VRK2: variants seen among roughly 807,000 people sequenced by gnomAD.
VRK2 encodes the protein serine/threonine-protein kinase VRK2.
Under a neutral mutation model 57.6 loss-of-function variants are expected in VRK2, and 60 were observed. The ratio of observed to expected loss-of-function variants is 1.04; its 90% CI spans 0.85 to 1.29. The LOEUF (loss-of-function observed/expected upper bound fraction) is 1.29. VRK2 is among the 50% of genes most tolerant of loss of function. VRK2 has a pLI of 0.00. For synonymous variants in VRK2, 231 were observed against 199.2 expected (o/e 1.16, Z -1.35); for missense variants, 705 against 588.1 (o/e 1.20, Z -2.06).
At chr2:58,134,211 C>G (rs1285999610) in intron 9 of VRK2, among the ~76,000 whole-genome samples, 1 of 152,142 alleles carries the variant, frequency 6.6e-6, no homozygotes, top group Non-Finnish European at 1.5e-5. Context: ...CCCTGTACCC[C>G]AAGCAAGGCA....
intron 12 of VRK2, among the ~76,000 whole-genome samples, chr2:58,149,294 A>G (rs1682638540): frequency 6.6e-6 from 1 of 151,746 alleles, no homozygotes; most frequent in Non-Finnish European, 1.5e-5. Flanking sequence ...TCAAAATTTC[A>G]TATTCCAGTT....
chr2:57,998,641 G>C (rs1381882827), intron 1 of VRK2, among the ~76,000 whole-genome samples: 1 of 151,970 alleles, frequency 6.6e-6, no homozygotes, highest in African/African-American at 2.4e-5. Context: ...TTTAATGAAC[G>C]GGCCTGATGA....
chr2:58,078,261 T>C (rs897452561), intron 2 of VRK2, among the ~76,000 whole-genome samples: 29 of 152,104 alleles, frequency 1.9e-4, no homozygotes, highest in African/African-American at 6.3e-4. Context: ...TGTCTTTTTG[T>C]GTGTGGTGTG....
At chr2:58,084,337 A>G (rs1359108658) in intron 3 of VRK2, among the ~76,000 whole-genome samples, 199 bp downstream of exon 3, 4 of 151,894 alleles carry the variant, frequency 2.6e-5, no homozygotes, top group African/African-American at 9.6e-5. Flanking sequence ...CTGGTGTGTT[A>G]TCTATCTAGC....
chr2:58,135,642 G>A (rs1679904552), intron 10 of VRK2, among the ~76,000 whole-genome samples: 1 of 151,882 alleles, frequency 6.6e-6, no homozygotes, highest in African/African-American at 2.4e-5. Context: ...ATGCTGTTTA[G>A]ACCAGAATTA....
chr2:58,058,594 G>A (rs1456495718), intron 2 of VRK2: 2 of 272,816 alleles, frequency 7.3e-6, no homozygotes, highest in African/African-American at 4.5e-5. Context: ...AATGAAAGAA[G>A]AGTCTGGTAA....
intron 1 of VRK2, among the ~76,000 whole-genome samples, chr2:58,015,830 G>A (rs1483624805): frequency 6.6e-6 from 1 of 152,050 alleles, no homozygotes; most frequent in Admixed American, 6.6e-5. Flanking sequence ...AGCTTAGCTA[G>A]GTATAGAATA....
At chr2:57,934,998 T>C (rs183454673) in intron 1 of VRK2, among the ~76,000 whole-genome samples, 12 of 152,364 alleles carry the variant, frequency 7.9e-5, no homozygotes. Context: ...GAATTGTCTA[T>C]CTGTGCTTTT....
chr2:58,034,027 T>C (rs1410068164), intron 3 of VRK2, among the ~76,000 whole-genome samples: 25 of 152,074 alleles, frequency 1.6e-4, no homozygotes, highest in Non-Finnish European at 4.4e-5. Context: ...TCCCAAATAA[T>C]TTCTGAGGAT....
chr2:58,156,253 C>A (rs1304828850), intron 12 of VRK2, among the ~76,000 whole-genome samples: 1 of 151,938 alleles, frequency 6.6e-6, no homozygotes, highest in Non-Finnish European at 1.5e-5. Context: ...AAGAAGTTAG[C>A]AGTTATTCTT....
chr2:58,053,537 A>C (rs1259528601), intron 2 of VRK2, among the ~76,000 whole-genome samples: 1 of 152,220 alleles, frequency 6.6e-6, no homozygotes, highest in Non-Finnish European at 1.5e-5. Flanking sequence ...TTTATATTTA[A>C]AACAAGTAAA....
At chr2:58,027,993 C>T (rs79973758) in intron 2 of VRK2, among the ~76,000 whole-genome samples, 6 of 152,140 alleles carry the variant, frequency 3.9e-5, no homozygotes, top group African/African-American at 1.4e-4. Flanking sequence ...AGGAGAAAGA[C>T]CACAGCCTAG....
chr2:58,157,842 A>C (rs2104735857), intron 12 of VRK2, among the ~76,000 whole-genome samples: 1 of 152,342 alleles, frequency 6.6e-6, no homozygotes, highest in East Asian at 1.9e-4. Flanking sequence ...GTAGTGCAAA[A>C]GCCCACATAG....
chr2:58,096,741 A>G (rs546695266), intron 7 of VRK2, among the ~76,000 whole-genome samples: 6 of 151,272 alleles, frequency 4.0e-5, no homozygotes, highest in African/African-American at 1.5e-4. Context: ...TCTTGTCTTC[A>G]TATATACTCT....
chr2:58,108,560 C>T (rs563738897), intron 7 of VRK2, among the ~76,000 whole-genome samples: 6 of 151,962 alleles, frequency 3.9e-5, no homozygotes, highest in Middle Eastern at 3.2e-3. Context: ...CCAACTTCTC[C>T]GCCCTCAACA....
At chr2:58,133,393 TGAA>T (rs2104550391) in intron 9 of VRK2, among the ~76,000 whole-genome samples, 1 of 152,336 alleles carries the variant, frequency 6.6e-6, no homozygotes, top group South Asian at 2.1e-4. Context: ...TATCATATTA[TGAA>T]GTTTATAATT....
chr2:58,134,408 G>A (rs1164671015), intron 9 of VRK2, among the ~76,000 whole-genome samples: 3 of 151,444 alleles, frequency 2.0e-5, no homozygotes, highest in Non-Finnish European at 2.9e-5. Context: ...TCAGGAGATC[G>A]AGACCATCCT....
At chr2:58,145,982 A>G (rs1351940043) in intron 11 of VRK2, among the ~76,000 whole-genome samples, 1 of 152,052 alleles carries the variant, frequency 6.6e-6, no homozygotes, top group Non-Finnish European at 1.5e-5. Flanking sequence ...ATAGTATTCC[A>G]TGGTGTATAT....
At chr2:58,097,057 G>A (rs553128725) in intron 7 of VRK2, among the ~76,000 whole-genome samples, 9 of 151,974 alleles carry the variant, frequency 5.9e-5, no homozygotes, top group Non-Finnish European at 1.3e-4. Context: ...GGAATGCACT[G>A]ATGCTTTAAT....
Sources: allele counts gnomAD v4.1 joint callset (sites outside exome capture counted in the v4.1 genomes callset), GRCh38; gene constraint gnomAD v4.1.1; transcripts MANE v1.5; gene names NCBI Gene and HGNC (gene_info 2026-07-23, HGNC 2026-07-21).